IQGAP2: variants seen among roughly 807,000 people sequenced by gnomAD.
IQGAP2 encodes IQ motif containing GTPase activating protein 2, also known as ras GTPase-activating-like protein IQGAP2.
In IQGAP2, 173 loss-of-function variants were observed where a neutral mutation model predicts 201.3. That is an observed-to-expected ratio of 0.86 (90% CI 0.76 to 0.98). IQGAP2 has a LOEUF of 0.98. Ranked by LOEUF, IQGAP2 falls within the 50% of genes least tolerant of loss-of-function variation. The pLI is 0.00. For missense variants in IQGAP2, 1,687 were observed against 1,864.8 expected, an observed-to-expected ratio of 0.90 and a Z score of 1.76; for synonymous variants, 675 against 673.9, an observed-to-expected ratio of 1.00 and a Z score of -0.03.
chr5:76,424,526 C>T (rs754231261), intron 1 of IQGAP2, among the ~76,000 whole-genome samples: 16 of 151,968 alleles, frequency 1.1e-4, no homozygotes, highest in South Asian at 4.1e-4. Context: ...AGGCTGGTCT[C>T]GAACTCCTAA....
intron 30 of IQGAP2, among the ~76,000 whole-genome samples, chr5:76,689,901 A>G (rs986738066): frequency 3.3e-5 from 5 of 152,216 alleles, no homozygotes; most frequent in African/African-American, 1.2e-4. Flanking sequence ...TAGATACCAT[A>G]TGAATGGAGT....
At position 76,701,102 on chromosome 5, in the gene IQGAP2, A is replaced by T. The variant is rs1021393600; in HGVS notation, c.4394A>T (p.Asp1465Val). 3.1e-6 allele frequency: 5 copies of T among 1,614,058 alleles called. No individual in the cohort carries two copies. The highest frequency in any genetic ancestry group is 1.3e-5 in the African/African-American group (1 of 74,938). The part of the protein sequence containing the change: ...RKNTRRSIKL[D>V]GKGEPKGAKR... ...AATACTCGGAGATCAATTAAACTAG[A>T]TGGAAAAGGAGAACCCAAAGGGGCG... is the stretch of plus-strand genomic sequence containing the variant. The change falls in exon 34 of 36, where the codon GAT (aspartate) becomes GTT (valine). Residue 1465 changes from aspartate (D) to valine (V), a missense_variant. Transcript: ENST00000274364.
rs768228449 is a variant in IQGAP2, at chr5:76,707,201, A to G, written c.4616A>G (p.Asp1539Gly). Residue 1539 changes from aspartate to glycine, a missense_variant and splice_region_variant, in exon 36 of 36, where the codon GAT becomes GGT. Physicochemically the swap from Asp to Gly is moderately conservative, Grantham distance 94 (BLOSUM62 -1). Coordinates refer to ENST00000274364, the MANE Select transcript of IQGAP2 (RefSeq NM_006633.5). ...EMEKVQLNIQ[D>G]LLQMQYEGVA... Reference sequence around the variant, plus strand: ...TAATGATGCTTTTTACAATTTCAGGATTTACTTCAGATGCAATATGAAGGA... The same window carrying G: ...TAATGATGCTTTTTACAATTTCAGGGTTTACTTCAGATGCAATATGAAGGA... The G allele has an allele frequency of 7.7e-7, 1 of 1,306,892 alleles. No homozygotes were observed. Among genetic ancestry groups the G allele is most frequent in the South Asian group, 1.2e-5 (1 of 83,162 alleles). The allele number at this position is 1,306,892 out of a possible 1,614,324, so 81.0% of individuals were successfully genotyped here.
intron 3 of IQGAP2, among the ~76,000 whole-genome samples, chr5:76,563,863 C>T (rs1744552765): frequency 6.6e-6 from 1 of 151,996 alleles, no homozygotes. Flanking sequence ...ATTCATAGTA[C>T]CCTTCACTTC....
At chr5:76,452,357 A>G (rs1753813598) in intron 1 of IQGAP2, among the ~76,000 whole-genome samples, 2 of 151,844 alleles carry the variant, frequency 1.3e-5, no homozygotes, top group African/African-American at 2.4e-5. Context: ...CATCATTTAC[A>G]TTAGGTATAT....
intron 1 of IQGAP2, among the ~76,000 whole-genome samples, chr5:76,429,892 C>T (rs999577897): frequency 5.4e-5 from 6 of 111,256 alleles, no homozygotes; most frequent in South Asian, 3.1e-4. Flanking sequence ...CACACACACA[C>T]ACGACTATTT....
rs1751195748 is a variant in IQGAP2, at chr5:76,637,082, A to G, written c.1829A>G (p.Asp610Gly). The G allele has an allele frequency of 1.2e-6, 2 of 1,611,588 alleles. No homozygotes were observed. Among genetic ancestry groups the G allele is most frequent in the Non-Finnish European group, 1.7e-6 (2 of 1,178,226 alleles). ...AAACTCAACCTGCACAAAAAATATGACTACTATTACAACACTGATTCAAAA... is the reference window on the plus strand; with the variant it reads ...AAACTCAACCTGCACAAAAAATATGGCTACTATTACAACACTGATTCAAAA... ...WLKLNLHKKY[D>G]YYYNTDSKES... The change falls in exon 16 of 36, where the codon GAC becomes GGC. Residue 610 changes from aspartate (D) to glycine (G), a missense_variant. Coordinates refer to ENST00000274364, the MANE Select transcript of IQGAP2 (RefSeq NM_006633.5).
intron 3 of IQGAP2, among the ~76,000 whole-genome samples, chr5:76,564,796 T>A (rs1055049320): frequency 3.9e-5 from 6 of 152,140 alleles, no homozygotes; most frequent in African/African-American, 1.2e-4. Context: ...CCCCATCAGA[T>A]CCCTGGAAGG....
chr5:76,404,503 C>T (rs779322182), intron 1 of IQGAP2: 17 of 985,322 alleles, frequency 1.7e-5, no homozygotes, highest in Admixed American at 6.1e-5. Flanking sequence ...ACAGGTTAAT[C>T]TTTGCCCAGG....
In IQGAP2 at chr5:76,588,967, T is replaced by C; in HGVS notation, c.520T>C (p.Phe174Leu). Reference sequence around the variant, plus strand: ...CCAGGATTTGTTGGGCAAAGTAGACTTCACAGGTACTACTCTTTATCTTTG... The same window carrying C: ...CCAGGATTTGTTGGGCAAAGTAGACCTCACAGGTACTACTCTTTATCTTTG... ...QIQDLLGKVDFTEEEISNMRK... is the reference protein window; with the variant it reads ...QIQDLLGKVDLTEEEISNMRK... The change falls in exon 6 of 36, where the codon TTC becomes CTC. Residue 174 changes from phenylalanine (F) to leucine (L), a missense_variant. Transcript: ENST00000274364. 3 of 1,596,826 alleles carry C rather than the reference T, an allele frequency of 1.9e-6. No homozygotes were observed. The highest frequency in any genetic ancestry group is 2.6e-6 in the Non-Finnish European group (3 of 1,164,900).
In IQGAP2 at chr5:76,701,121, A is replaced by G; in HGVS notation, c.4413A>G (p.Lys1471=). 6.2e-7 allele frequency: 1 copy of G among 1,614,128 alleles called. No individual in the cohort carries two copies. The highest frequency in any genetic ancestry group is 8.5e-7 in the Non-Finnish European group (1 of 1,179,916). ...AACTAGATGGAAAAGGAGAACCCAAAGGGGCGAAGAGAGCGAAGCCAGTGA... is the reference window on the plus strand; with the variant it reads ...AACTAGATGGAAAAGGAGAACCCAAGGGGGCGAAGAGAGCGAAGCCAGTGA... ...SIKLDGKGEP[K]GAKRAKPVKY... Residue 1471 remains lysine, a synonymous_variant, in exon 34 of 36, where the codon AAA becomes AAG. Coordinates refer to ENST00000274364, the MANE Select transcript of IQGAP2 (RefSeq NM_006633.5).
At chr5:76,434,420 A>C (rs927739965) in intron 1 of IQGAP2, among the ~76,000 whole-genome samples, 4 of 152,150 alleles carry the variant, frequency 2.6e-5, no homozygotes, top group African/African-American at 9.7e-5. Context: ...CTTAGCTCCC[A>C]GTTATAAGTG....
At chr5:76,506,486 A>G (rs568091302) in intron 2 of IQGAP2, among the ~76,000 whole-genome samples, 1 of 152,346 alleles carries the variant, frequency 6.6e-6, no homozygotes, top group South Asian at 2.1e-4. Flanking sequence ...TATGCATCTT[A>G]TTTGGATTTG....
chr5:76,421,853 A>G (rs1751748961), intron 1 of IQGAP2, among the ~76,000 whole-genome samples: 1 of 152,190 alleles, frequency 6.6e-6, no homozygotes, highest in Admixed American at 6.5e-5. Flanking sequence ...TCAAAATAGA[A>G]TATTGTTTTG....
chr5:76,668,383 TTAAG>T (rs1444323013), intron 22 of IQGAP2, among the ~76,000 whole-genome samples: 3 of 150,388 alleles, frequency 2.0e-5, no homozygotes, highest in African/African-American at 4.9e-5. Flanking sequence ...ATGAATAATA[TTAAG>T]TAATTAATAT....
intron 17 of IQGAP2, among the ~76,000 whole-genome samples, chr5:76,650,957 C>T (rs1752474488): frequency 1.3e-5 from 2 of 152,132 alleles, no homozygotes; most frequent in South Asian, 4.1e-4. Flanking sequence ...TTTTCCTGGG[C>T]TAGATATATT....
At chr5:76,597,396 G>C (rs1261991831) in intron 9 of IQGAP2, 43 bp from the exon 10 acceptor site, 1 of 1,606,602 alleles carries the variant, frequency 6.2e-7, no homozygotes, top group Admixed American at 1.7e-5. Flanking sequence ...GACTGCAGTG[G>C]AAAGAGCAAC....
chr5:76,569,192 T>C (rs770722372), intron 3 of IQGAP2, among the ~76,000 whole-genome samples: 1 of 152,212 alleles, frequency 6.6e-6, no homozygotes, highest in Non-Finnish European at 1.5e-5. Context: ...AGTGTTAGCA[T>C]AGGGAAGGTT....
At chr5:76,522,236 A>G (rs1181863905) in intron 2 of IQGAP2, among the ~76,000 whole-genome samples, 1 of 149,430 alleles carries the variant, frequency 6.7e-6, no homozygotes. Flanking sequence ...AGTCTGGAGT[A>G]CAGTGGCGCA....
Sources: allele counts gnomAD v4.1 joint callset (sites outside exome capture counted in the v4.1 genomes callset), GRCh38; gene constraint gnomAD v4.1.1; transcripts MANE v1.5; gene names NCBI Gene and HGNC (gene_info 2026-07-23, HGNC 2026-07-21).